Variants in SREBF2 observed in about 807,000 individuals in gnomAD.
The protein encoded by SREBF2 is sterol regulatory element binding transcription factor 2.
Under a neutral mutation model 113.1 loss-of-function variants are expected in SREBF2, and 55 were observed. The ratio of observed to expected loss-of-function variants is 0.49; its 90% confidence interval spans 0.39 to 0.61. The LOEUF is 0.61. Among genes scored for constraint, SREBF2 ranks in the 20% least tolerant of loss-of-function variants. SREBF2 has a pLI of 0.00. For missense variants in SREBF2, 1,349 were observed against 1,487.4 expected (o/e 0.91, Z 1.53); for synonymous variants, 593 against 605.7 (o/e 0.98, Z 0.31).
At chr22:41,875,902 C>CG (rs919285672) in intron 7 of SREBF2, among the ~76,000 whole-genome samples, 178 bp downstream of exon 7, 4 of 152,130 alleles carry the variant, frequency 2.6e-5, no homozygotes, top group Non-Finnish European at 5.9e-5. Flanking sequence ...AAACTGACTC[C>CG]GGGGGGAAAC....
rs1024828331 is a variant in SREBF2, at chr22:41,878,695, A to G, written c.1761+572A>G. 3.1e-5 allele frequency: 40 copies of G among 1,304,218 alleles called. No individual in the cohort carries two copies. In the Admixed American group the frequency reaches 6.9e-4, roughly 22 times the overall value. 80.8% of individuals were successfully genotyped at this position (1,304,218 alleles called of 1,614,324 possible). A position where few individuals can be genotyped will look rare whatever the true frequency, so the allele number is the denominator to read the frequency against. On this transcript the variant is annotated intron_variant, in intron 9 of 18. Coordinates refer to ENST00000361204, the MANE Select transcript of SREBF2 (RefSeq NM_004599.4). ...AAAAAAATCTGGGGCAACTCACAGC[A>G]TTGAGGAAGAGTTAAACATCCACAT... is the stretch of plus-strand genomic sequence containing the variant.
At chr22:41,881,408 G>A (rs776676887) in intron 10 of SREBF2, among the ~76,000 whole-genome samples, 1 of 152,208 alleles carries the variant, frequency 6.6e-6, no homozygotes, top group African/African-American at 2.4e-5. Flanking sequence ...ACAGTTCAGC[G>A]TGAGTATGTT....
chr22:41,904,671 C>G lies in SREBF2; in HGVS notation c.3094-192C>G, dbSNP rs201251541. The G allele has an allele frequency of 1.0e-3, 724 of 712,740 alleles. 2 individuals are homozygous for G. Among genetic ancestry groups the G allele is most frequent in the Non-Finnish European group, 1.5e-3 (563 of 382,686 alleles). 44.2% of individuals were successfully genotyped at this position (712,740 alleles called of 1,614,324 possible). A position where few individuals can be genotyped will look rare whatever the true frequency, so the allele number is the denominator to read the frequency against. ...CTCCTCTCATCCTGCTCCTGCTGTT[C>G]AGCCAGGTTTCCTGCCTGGCTCAGG... is the stretch of plus-strand genomic sequence containing the variant. On this transcript the variant is annotated intron_variant, in intron 17 of 18. Coordinates refer to ENST00000361204, the MANE Select transcript of SREBF2 (RefSeq NM_004599.4).
chr22:41,875,508 C>T, intron 6 of SREBF2, 35 bp from the exon 7 acceptor site: 1 of 1,614,200 alleles, frequency 6.2e-7, no homozygotes, highest in Non-Finnish European at 8.5e-7. Context: ...TTTGTAAAAG[C>T]AGATCATTTT....
chr22:41,851,807 C>T (rs1421571273), intron 1 of SREBF2, among the ~76,000 whole-genome samples: 1 of 150,284 alleles, frequency 6.7e-6, no homozygotes, highest in Non-Finnish European at 1.5e-5. Context: ...TAAGGCCTTG[C>T]TTCTAAAGAC....
At chr22:41,854,199 T>TG (rs2148358059) in intron 1 of SREBF2, among the ~76,000 whole-genome samples, 1 of 151,936 alleles carries the variant, frequency 6.6e-6, no homozygotes, top group African/African-American at 2.4e-5. Flanking sequence ...GTTTCACTCT[T>TG]GCCACCCAGG....
At chr22:41,859,173 A>G (rs556778545) in intron 1 of SREBF2, among the ~76,000 whole-genome samples, 2 of 152,294 alleles carry the variant, frequency 1.3e-5, no homozygotes, top group East Asian at 3.9e-4. Flanking sequence ...ACACAGTTTT[A>G]TAGACCAGAA....
chr22:41,892,969 C>G (rs2077378504), intron 11 of SREBF2, 148 bp from the exon 12 acceptor site: 1 of 960,068 alleles, frequency 1.0e-6, no homozygotes, highest in Admixed American at 1.9e-5. Context: ...GCTTTACTTT[C>G]AGGTACCTGT....
At chr22:41,890,611 T>G (rs1602336621) in intron 11 of SREBF2, among the ~76,000 whole-genome samples, 1 of 152,250 alleles carries the variant, frequency 6.6e-6, no homozygotes, top group East Asian at 1.9e-4. Context: ...AGGGGGAGGC[T>G]CCTAGGCCCC....
At position 41,880,944 on chromosome 22, in the gene SREBF2, C is replaced by A. The variant is rs1436274881; in HGVS notation, c.1990C>A (p.Arg664=). The A allele has an allele frequency of 1.9e-6, 3 of 1,611,848 alleles. No individual in the cohort carries two copies. The highest frequency in any genetic ancestry group is 1.8e-4 in the Middle Eastern group (1 of 5,682). The part of the protein sequence containing the change: ...GFEDEAKTSA[R]DAALAYHRLH... ...TGAAGACGAAGCTAAGACCAGCGCC[C>A]GGGATGCGGCTCTGGCCTATCACCG... The change falls in exon 10 of 19, where the codon CGG becomes AGG. Residue 664 remains arginine (R), a synonymous_variant. Coordinates refer to ENST00000361204, the MANE Select transcript of SREBF2 (RefSeq NM_004599.4).
At chr22:41,896,998 G>T in intron 13 of SREBF2, 54 bp from the exon 14 acceptor site, 1 of 1,267,182 alleles carries the variant, frequency 7.9e-7, no homozygotes, top group South Asian at 1.3e-5. Flanking sequence ...AGGCCATGAG[G>T]TGGGCCTTGT....
At chr22:41,898,920 G>T (rs1181318120) in intron 15 of SREBF2, 139 bp downstream of exon 15, 2 of 1,270,886 alleles carry the variant, frequency 1.6e-6, no homozygotes, top group Non-Finnish European at 2.2e-6. Flanking sequence ...AGAAAAGTCG[G>T]GGGTGAGGGC....
chr22:41,905,614 A>C lies in SREBF2; in HGVS notation c.3380A>C (p.Gln1127Pro). The change falls in exon 19 of 19, where the codon CAG becomes CCG. Residue 1127 changes from glutamine (Q) to proline (P), a missense_variant. Coordinates refer to ENST00000361204, the MANE Select transcript of SREBF2 (RefSeq NM_004599.4). ...CGGCGCTCCTGCAACGACTGCCAGC[A>C]GATGATTGTTAAGCTGGGTGGTGGC... is the stretch of plus-strand genomic sequence containing the variant. The part of the protein sequence containing the change: ...GDRRSCNDCQ[Q>P]MIVKLGGGTA... 1 of 1,599,758 alleles carries C rather than the reference A, an allele frequency of 6.3e-7. No individual in the cohort carries two copies. Among genetic ancestry groups the C allele is most frequent in the Non-Finnish European group, 8.5e-7 (1 of 1,174,140 alleles).
chr22:41,900,604 C>CA, intron 16 of SREBF2, 106 bp downstream of exon 16: 3 of 1,192,956 alleles, frequency 2.5e-6, no homozygotes, highest in Non-Finnish European at 3.6e-6. Context: ...ATCCGAAAGA[C>CA]AGAGAAACCA....
intron 3 of SREBF2, 35 bp downstream of exon 3, chr22:41,868,827 T>G (rs1052587024): frequency 5.1e-6 from 8 of 1,575,080 alleles, no homozygotes; most frequent in Non-Finnish European, 6.9e-6. Flanking sequence ...GAGGCACTGG[T>G]TGGGGCTGTT....
chr22:41,896,916 T>TG (rs2069769941), intron 13 of SREBF2, 136 bp from the exon 14 acceptor site: 2 of 667,206 alleles, frequency 3.0e-6, no homozygotes, highest in Non-Finnish European at 5.5e-6. Flanking sequence ...AGACAGCGCT[T>TG]GCGTGTGCCT....
At chr22:41,834,107 A>G (rs2076745886) in intron 1 of SREBF2, 1 of 152,154 alleles carries the variant, frequency 6.6e-6, no homozygotes, top group Non-Finnish European at 1.5e-5. Context: ...CCAGGGATCC[A>G]CTCTTAAAAT....
chr22:41,843,439 G>C (rs2076846895), intron 1 of SREBF2, among the ~76,000 whole-genome samples: 1 of 152,240 alleles, frequency 6.6e-6, no homozygotes, highest in African/African-American at 2.4e-5. Context: ...ACCGTTCCAT[G>C]CCTTAACCTA....
intron 1 of SREBF2, among the ~76,000 whole-genome samples, chr22:41,836,639 G>A (rs2076778489): frequency 6.6e-6 from 1 of 152,198 alleles, no homozygotes; most frequent in Admixed American, 6.5e-5. Flanking sequence ...CAGTGAGAGT[G>A]CCCATTAAAT....
Sources: allele counts gnomAD v4.1 joint callset (sites outside exome capture counted in the v4.1 genomes callset), GRCh38; gene constraint gnomAD v4.1.1; transcripts MANE v1.5; gene names NCBI Gene and HGNC (gene_info 2026-07-23, HGNC 2026-07-21).